The following DNAH9 variants were observed in gnomAD, a reference collection of about 807,000 sequenced individuals.
The protein encoded by DNAH9 is dynein axonemal heavy chain 9.
DNAH9 carries 345 observed loss-of-function variants against 471.6 expected under a neutral mutation model. That is an observed-to-expected ratio of 0.73 (90% CI 0.67 to 0.80). The LOEUF (loss-of-function observed/expected upper bound fraction) is 0.80, where lower values mean the gene tolerates loss of function less well. Ranked by LOEUF, DNAH9 falls within the 30% of genes least tolerant of loss-of-function variation. DNAH9 has a pLI of 0.00. For synonymous variants in DNAH9, 2,093 were observed against 2,123.6 expected, an observed-to-expected ratio of 0.99 and a Z score of 0.40; for missense variants, 5,407 against 5,609.2, an observed-to-expected ratio of 0.96 and a Z score of 1.15.
chr17:11,929,876 T>G lies in DNAH9; in HGVS notation c.11888T>G (p.Leu3963Arg), dbSNP rs1217911813. The G allele has an allele frequency of 4.3e-6, 7 of 1,613,326 alleles. No homozygotes were observed. The East Asian group carries it at 1.3e-4, about 31-fold the overall frequency. The stretch of plus-strand genomic sequence containing the variant: ...CTTCCTTCCCACTAGAACATTCACC[T>G]GGTGGCCAAGTGGCTCAGCACCCTG... ...GHWVILQNIH[L>R]VAKWLSTLEK... is the part of the protein sequence containing the mutation. Residue 3963 changes from leucine to arginine, a missense_variant, in exon 63 of 69, where the codon CTG (leucine) becomes CGG (arginine). This residue lies in a region of DNAH9 where 4,636 missense variants were observed against 4,900.3 expected (regional missense o/e 0.95). Transcript: ENST00000262442.
At chr17:11,672,289 T>C (rs1567708437) in intron 17 of DNAH9, among the ~76,000 whole-genome samples, 2 of 152,210 alleles carry the variant, frequency 1.3e-5, no homozygotes, top group Admixed American at 6.5e-5. Context: ...GCACCAGACC[T>C]CAGGATCTTA....
chr17:11,714,282 A>G (rs2074922525), intron 26 of DNAH9, among the ~76,000 whole-genome samples: 1 of 152,144 alleles, frequency 6.6e-6, no homozygotes, highest in African/African-American at 2.4e-5. Context: ...TTGGAAGATT[A>G]CTTTACATTC....
intron 1 of DNAH9, among the ~76,000 whole-genome samples, chr17:11,605,521 C>T (rs956169582): frequency 6.6e-6 from 1 of 151,842 alleles, no homozygotes; most frequent in African/African-American, 2.4e-5. Flanking sequence ...TGTTTCGAGA[C>T]AGGGTCTCAC....
At chr17:11,887,896 A>C (rs1972927517) in intron 57 of DNAH9, among the ~76,000 whole-genome samples, 2 of 152,216 alleles carry the variant, frequency 1.3e-5, no homozygotes, top group Non-Finnish European at 2.9e-5. Context: ...ATTTGATTGA[A>C]GATGGCATTT....
intron 51 of DNAH9, 38 bp downstream of exon 51, chr17:11,869,291 T>A: frequency 6.2e-7 from 1 of 1,607,294 alleles, no homozygotes; most frequent in Middle Eastern, 1.9e-4. Context: ...TGTAATTATA[T>A]TAGCAGGCTT....
At chr17:11,946,878 C>G (rs1185406125) in intron 67 of DNAH9, among the ~76,000 whole-genome samples, 1 of 152,120 alleles carries the variant, frequency 6.6e-6, no homozygotes, top group Non-Finnish European at 1.5e-5. Flanking sequence ...TGTGCCCAGA[C>G]TGGGCACCAA....
At chr17:11,625,485 T>A (rs2072953324) in intron 6 of DNAH9, among the ~76,000 whole-genome samples, 1 of 152,166 alleles carries the variant, frequency 6.6e-6, no homozygotes, top group South Asian at 2.1e-4. Flanking sequence ...GATCAAAAGG[T>A]AAAGAAAACA....
intron 56 of DNAH9, chr17:11,884,631 T>C: frequency 2.2e-6 from 1 of 451,662 alleles, no homozygotes; most frequent in South Asian, 1.6e-5. Flanking sequence ...ATAAACCAGG[T>C]CATACCCACT....
chr17:11,716,082 C>CTTTT (rs61643065), intron 26 of DNAH9, among the ~76,000 whole-genome samples: 2 of 132,474 alleles, frequency 1.5e-5, no homozygotes, highest in African/African-American at 3.1e-5. Flanking sequence ...TTTTCTTTCT[C>CTTTT]TTTTTTTTTT....
intron 68 of DNAH9, among the ~76,000 whole-genome samples, chr17:11,968,955 G>C (rs1403624689): frequency 6.6e-6 from 1 of 152,104 alleles, no homozygotes; most frequent in African/African-American, 2.4e-5. Context: ...TAAATCCCCA[G>C]CACCTAGCCC....
rs1241502201 is a variant in DNAH9 at position 11,598,786 on chromosome 17, T to A, written c.288T>A (p.Ala96=). 3.4e-6 allele frequency: 5 copies of A among 1,472,520 alleles called. No individual in the cohort carries two copies. The South Asian group carries it at 5.1e-5, about 15-fold the overall frequency. 91.2% of individuals were successfully genotyped at this position (1,472,520 alleles called of 1,614,324 possible). The change falls in exon 1 of 69, where the codon GCT becomes GCA. Residue 96 remains alanine (A), a synonymous_variant. Coordinates refer to ENST00000262442, the MANE Select transcript of DNAH9 (RefSeq NM_001372.4). ...GLEVGPESGL[A]GAKALFFLRT... is the part of the protein sequence containing the mutation. ...AGGTGGGACCTGAGTCGGGCCTGGC[T>A]GGCGCTAAGGCGCTTTTTTTCCTTC...
intron 52 of DNAH9, among the ~76,000 whole-genome samples, chr17:11,872,405 C>T (rs995835569): frequency 7.2e-6 from 1 of 138,370 alleles, no homozygotes; most frequent in Non-Finnish European, 1.5e-5. Flanking sequence ...TGGAGAAATA[C>T]TGGTTTCCCA....
At chr17:11,887,036 G>A (rs143835050) in intron 57 of DNAH9, 71 bp downstream of exon 57, 1 of 1,519,984 alleles carries the variant, frequency 6.6e-7, no homozygotes, top group East Asian at 2.4e-5. Flanking sequence ...AGCTCTCTGT[G>A]AGAGCTTATC....
At chr17:11,621,781 T>C (rs4792157) in intron 6 of DNAH9, among the ~76,000 whole-genome samples, 130,224 of 152,206 alleles carry the variant, frequency 0.86, 56,743 homozygotes, top group East Asian at 0.97. Flanking sequence ...TACTGACTGC[T>C]ATCAGAAAAG....
chr17:11,672,364 G>A (rs1424636314), intron 17 of DNAH9, among the ~76,000 whole-genome samples: 1 of 152,094 alleles, frequency 6.6e-6, no homozygotes, highest in East Asian at 1.9e-4. Context: ...ACTGAAACCT[G>A]GCTCCCTTCT....
Position 11,937,900 on chromosome 17 carries a change from G to T in DNAH9, c.12660+378G>T, listed in dbSNP as rs1974766901. ...CAAACCAAGCAAGGATGGGTAAGGG[G>T]TTGCCCCTGAGCACCCCCACCTCAG... On this transcript the variant is annotated intron_variant, in intron 66 of 68. Transcript: ENST00000262442. This position sits in a 1 kb window ranked among gnomAD's most constrained non-coding sequence, Gnocchi z 4.1. Among the ~76,000 whole-genome samples the T allele has an allele frequency of 6.6e-6, 1 of 152,180 alleles. No individual in the cohort carries two copies. The highest frequency in any genetic ancestry group is 2.1e-4 in the South Asian group (1 of 4,826).
intron 8 of DNAH9, among the ~76,000 whole-genome samples, chr17:11,635,567 C>T (rs771110672): frequency 2.0e-5 from 3 of 152,102 alleles, no homozygotes; most frequent in African/African-American, 4.8e-5. Context: ...CACTGCTGTA[C>T]TTCGTCACCC....
At chr17:11,894,051 T>C (rs554386033) in intron 58 of DNAH9, among the ~76,000 whole-genome samples, 32 of 152,334 alleles carry the variant, frequency 2.1e-4, no homozygotes, top group African/African-American at 7.5e-4. Flanking sequence ...TCATGTCATT[T>C]GTATGTGTCA....
At chr17:11,968,178 G>T (rs1976898018) in intron 68 of DNAH9, among the ~76,000 whole-genome samples, 8 of 152,082 alleles carry the variant, frequency 5.3e-5, no homozygotes. Flanking sequence ...ACTTTAAAAG[G>T]ATTGGTTTTA....
Sources: allele counts gnomAD v4.1 joint callset (sites outside exome capture counted in the v4.1 genomes callset), GRCh38; gene constraint gnomAD v4.1.1; regional missense constraint gnomAD v4.1.1; non-coding constraint Gnocchi (gnomAD v3.1); transcripts MANE v1.5; gene names NCBI Gene and HGNC (gene_info 2026-07-23, HGNC 2026-07-21).